Variants in CHIC1 observed in about 807,000 individuals in gnomAD.
CHIC1 encodes the protein cysteine rich hydrophobic domain 1, also known as cysteine-rich hydrophobic domain-containing protein 1.
In CHIC1, 7 loss-of-function variants were observed where a neutral mutation model predicts 18.5. The ratio of observed to expected loss-of-function variants is 0.38; its 90% CI spans 0.22 to 0.71. The LOEUF (loss-of-function observed/expected upper bound fraction) is 0.71. Ranked by LOEUF, CHIC1 falls within the 30% of genes least tolerant of loss-of-function variation. The pLI, the probability that CHIC1 is intolerant of heterozygous loss-of-function variation, is 0.49. For missense variants in CHIC1, 159 were observed against 176.9 expected (o/e 0.90, Z 0.57); for synonymous variants, 77 against 73.5 (o/e 1.05, Z -0.25).
intron 3 of CHIC1, among the ~76,000 whole-genome samples, chrX:73,600,467 G>A (rs1211163523): frequency 2.8e-5 from 3 of 105,552 alleles, no homozygotes; most frequent in African/African-American, 1.1e-4. Flanking sequence ...ATTGGCTGTG[G>A]GTTTGTCATA....
chrX:73,591,880 A>G (rs1044487685), intron 3 of CHIC1, among the ~76,000 whole-genome samples: 3 of 111,683 alleles, frequency 2.7e-5, no homozygotes, highest in Admixed American at 9.5e-5. Flanking sequence ...TTCTTTCACC[A>G]ATTCCACACT....
At chrX:73,665,658 G>A (rs1043341154) in intron 3 of CHIC1, among the ~76,000 whole-genome samples, 14 of 111,261 alleles carry the variant, frequency 1.3e-4, no homozygotes, top group South Asian at 3.8e-4. Flanking sequence ...CTTCATCTTC[G>A]TTTTCAAGGG....
At chrX:73,619,902 C>T (rs2057751800) in intron 3 of CHIC1, among the ~76,000 whole-genome samples, 1 of 110,875 alleles carries the variant, frequency 9.0e-6, no homozygotes, top group African/African-American at 3.3e-5. Context: ...GTTCCCCTCC[C>T]TGTGTCCATG....
chrX:73,653,533 C>T (rs1401305841), intron 3 of CHIC1, among the ~76,000 whole-genome samples: 1 of 111,555 alleles, frequency 9.0e-6, no homozygotes, highest in Admixed American at 9.5e-5. Flanking sequence ...GATTGCTTTG[C>T]TTATTCAGGG....
At chrX:73,590,373 A>G (rs2057575706) in intron 3 of CHIC1, among the ~76,000 whole-genome samples, 1 of 110,893 alleles carries the variant, frequency 9.0e-6, no homozygotes, top group Admixed American at 9.6e-5. Context: ...GATTCCATAA[A>G]CCCCCTCATC....
At chrX:73,601,776 GT>G (rs1194768680) in intron 3 of CHIC1, among the ~76,000 whole-genome samples, 1 of 106,896 alleles carries the variant, frequency 9.4e-6, no homozygotes, top group Non-Finnish European at 1.9e-5. Context: ...CCAGGAGCTG[GT>G]TTTTTTGAAA....
intron 3 of CHIC1, among the ~76,000 whole-genome samples, chrX:73,637,891 G>A (rs900702948): frequency 4.5e-5 from 5 of 110,990 alleles, no homozygotes; most frequent in African/African-American, 1.6e-4. Flanking sequence ...TTTGTTCCTA[G>A]GAGTGGGCTA....
chrX:73,647,816 C>A (rs1485562031), intron 3 of CHIC1, among the ~76,000 whole-genome samples: 1 of 112,309 alleles, frequency 8.9e-6, no homozygotes, highest in African/African-American at 3.2e-5. Flanking sequence ...GCAGCCTAGA[C>A]CAGTGGGTTT....
At chrX:73,653,223 G>A (rs966088553) in intron 3 of CHIC1, among the ~76,000 whole-genome samples, 5 of 110,333 alleles carry the variant, frequency 4.5e-5, no homozygotes, top group African/African-American at 1.6e-4. Flanking sequence ...GGGTCTGTTG[G>A]GGGGTGTGGG....
chrX:73,612,619 A>G (rs1456511829), intron 3 of CHIC1, among the ~76,000 whole-genome samples: 2 of 111,658 alleles, frequency 1.8e-5, no homozygotes, highest in Admixed American at 9.5e-5. Context: ...AGAGTTTCCT[A>G]CATTCCTCTT....
chrX:73,612,318 G>T (rs796872048), intron 3 of CHIC1, among the ~76,000 whole-genome samples: 1 of 111,208 alleles, frequency 9.0e-6, no homozygotes, highest in Non-Finnish European at 1.9e-5. Context: ...GTTCTGCTCT[G>T]ATCTTCATTT....
intron 3 of CHIC1, among the ~76,000 whole-genome samples, chrX:73,676,691 C>G (rs1397958671): frequency 9.0e-6 from 1 of 111,612 alleles, no homozygotes; most frequent in East Asian, 2.8e-4. Flanking sequence ...CCTCCGGTAA[C>G]TCAGAGTAGT....
chrX:73,657,283 A>T, intron 3 of CHIC1, among the ~76,000 whole-genome samples: 1 of 109,669 alleles, frequency 9.1e-6, no homozygotes, highest in Admixed American at 9.7e-5. Context: ...GATGGTCTTG[A>T]TCCCCGACCT....
At chrX:73,594,413 G>A (rs769360846) in intron 3 of CHIC1, among the ~76,000 whole-genome samples, 2 of 111,281 alleles carry the variant, frequency 1.8e-5, no homozygotes, top group Admixed American at 9.6e-5. Context: ...CAGGTGATCC[G>A]CCTGCTTTCT....
At position 73,687,071 on chromosome X, in the gene CHIC1, C is replaced by A. The variant is rs1386176556; in HGVS notation, c.*6066C>A. On this transcript the variant is annotated 3_prime_UTR_variant, in exon 6 of 6. Transcript: ENST00000373502. ...GATAAAATTTTATTATCTCAGGATG[C>A]AAATTTAAAATAAAGTGTAAATCTA... 2 of 111,584 alleles carry A rather than the reference C, an allele frequency of 1.8e-5. No homozygotes were observed. Among genetic ancestry groups the A allele is most frequent in the Non-Finnish European group, 3.8e-5 (2 of 52,969 alleles). The allele number at this position is 111,584 out of a possible 1,213,427, so 9.2% of individuals were successfully genotyped here.
At position 73,660,662 on chromosome X, in the gene CHIC1, G is replaced by A. The variant is rs533056285; in HGVS notation, c.508-18664G>A. Among the ~76,000 whole-genome samples, 88 of 111,034 alleles carry A rather than the reference G, an allele frequency of 7.9e-4. 2 individuals are homozygous for A. In the South Asian group the frequency reaches 0.03, roughly 38 times the overall value. On this transcript the variant is annotated intron_variant, in intron 3 of 5. Coordinates refer to ENST00000373502, the MANE Select transcript of CHIC1 (RefSeq NM_001039840.4). ...TTGTGTCGTCCAAGGGAGCTGCATC[G>A]TCTGGGTCTGCAGATCCTGCAGGGT...
At chrX:73,575,775 G>A (rs1462885844) in intron 1 of CHIC1, among the ~76,000 whole-genome samples, 1 of 109,289 alleles carries the variant, frequency 9.2e-6, no homozygotes, top group Non-Finnish European at 1.9e-5. Context: ...ATATACTTAG[G>A]CTACAATAAA....
intron 3 of CHIC1, among the ~76,000 whole-genome samples, chrX:73,622,132 A>G (rs756259465): frequency 4.5e-5 from 5 of 112,147 alleles, no homozygotes; most frequent in South Asian, 7.4e-4. Flanking sequence ...ATTGATGTTC[A>G]TCAGGGATAT....
At chrX:73,665,162 G>A (rs2057998512) in intron 3 of CHIC1, among the ~76,000 whole-genome samples, 1 of 111,037 alleles carries the variant, frequency 9.0e-6, no homozygotes. Context: ...ATTTATTGGA[G>A]GACGGGGCTC....
Sources: gnomAD v4.1 joint callset for allele counts (sites outside exome capture counted in the v4.1 genomes callset) on GRCh38, gnomAD v4.1.1 for gene constraint, MANE v1.5 for transcripts, NCBI Gene and HGNC (gene_info 2026-07-23, HGNC 2026-07-21) for gene names.